Variants in SLC9A9 observed in about 807,000 individuals in gnomAD.
SLC9A9 encodes solute carrier family 9 member A9.
SLC9A9 carries 62 observed loss-of-function variants against 77.8 expected under a neutral mutation model. The observed-to-expected ratio is 0.80, with a 90% CI of 0.65 to 0.98. SLC9A9 has a LOEUF of 0.98. Among genes scored for constraint, SLC9A9 ranks in the 50% least tolerant of loss-of-function variants. The pLI is 0.00. For synonymous variants in SLC9A9, 320 were observed against 283.5 expected (o/e 1.13, Z -1.29); for missense variants, 775 against 774.9 (o/e 1.00, Z 0.00).
intron 12 of SLC9A9, among the ~76,000 whole-genome samples, chr3:143,408,475 T>C (rs1394442110): frequency 6.6e-6 from 1 of 152,228 alleles, no homozygotes; most frequent in East Asian, 1.9e-4. Flanking sequence ...AATATTTATA[T>C]GTAAGATGTC....
intron 6 of SLC9A9, among the ~76,000 whole-genome samples, chr3:143,641,602 C>G (rs575901653): frequency 6.6e-6 from 1 of 151,952 alleles, no homozygotes; most frequent in Non-Finnish European, 1.5e-5. Flanking sequence ...ACCATGTTAG[C>G]CAGGATGGTC....
rs1392933732 is a variant in SLC9A9 at position 143,450,052 on chromosome 3, C to T, written c.1469+16985G>A. On this transcript the variant is annotated intron_variant, in intron 12 of 15. Coordinates refer to ENST00000316549, the MANE Select transcript of SLC9A9 (RefSeq NM_173653.4). ...ATATATACATATATGTATATATACA[C>T]ACATATATAATATGTATATATAATA... Among the ~76,000 whole-genome samples, 239 of 67,696 alleles carry T rather than the reference C, an allele frequency of 3.5e-3. 3 individuals carry two copies. The highest frequency in any genetic ancestry group is 0.019 in the African/African-American group (228 of 12,136). 44.4% of individuals were successfully genotyped at this position (67,696 alleles called of 152,430 possible). A position where few individuals can be genotyped will look rare whatever the true frequency, so the allele number is the denominator to read the frequency against.
chr3:143,268,469 C>T (rs1323072394), intron 15 of SLC9A9, among the ~76,000 whole-genome samples: 1 of 152,126 alleles, frequency 6.6e-6, no homozygotes, highest in East Asian at 1.9e-4. Flanking sequence ...CACGGTGGCT[C>T]ATGCCTGTAA....
intron 4 of SLC9A9, among the ~76,000 whole-genome samples, chr3:143,742,924 T>C (rs186336228): frequency 6.6e-5 from 10 of 152,238 alleles, no homozygotes; most frequent in African/African-American, 2.2e-4. Context: ...AAATATATTA[T>C]TTAAAAATTA....
chr3:143,684,141 T>C (rs895833853), intron 5 of SLC9A9, among the ~76,000 whole-genome samples: 10 of 152,198 alleles, frequency 6.6e-5, no homozygotes, highest in African/African-American at 2.4e-4. Context: ...CCACGAACAG[T>C]GTTCTTAATA....
chr3:143,728,670 C>G (rs951338114), intron 4 of SLC9A9, among the ~76,000 whole-genome samples: 2 of 151,936 alleles, frequency 1.3e-5, no homozygotes, highest in African/African-American at 4.8e-5. Flanking sequence ...AGACCATTGC[C>G]GTATTCCAAG....
intron 8 of SLC9A9, 133 bp from the exon 9 acceptor site, chr3:143,552,583 C>T (rs2036912137): frequency 1.4e-6 from 1 of 709,640 alleles, no homozygotes; most frequent in Non-Finnish European, 2.5e-6. Flanking sequence ...CATGATAATG[C>T]AACCTAGGTA....
rs1446583270 is a variant in SLC9A9 at position 143,266,059 on chromosome 3, A to G, written c.*643T>C. The G allele has an allele frequency of 1.0e-5, 7 of 702,350 alleles. No homozygotes were observed. The Admixed American group carries it at 1.4e-4, about 14-fold the overall frequency. 43.5% of individuals were successfully genotyped at this position (702,350 alleles called of 1,614,324 possible). On this transcript the variant is annotated 3_prime_UTR_variant, in exon 16 of 16. Coordinates refer to ENST00000316549, the MANE Select transcript of SLC9A9 (RefSeq NM_173653.4). ...TTTAGGGCAGGGCACACCCAGCCAT[A>G]GGCAACCCCTTTGAGCGATGGGAGA... is the stretch of plus-strand genomic sequence containing the variant.
chr3:143,500,112 A>AT (rs923659466), intron 9 of SLC9A9, among the ~76,000 whole-genome samples: 110 of 149,414 alleles, frequency 7.4e-4, no homozygotes, highest in African/African-American at 1.8e-3. Context: ...CTAGGCTTGG[A>AT]TTTTTTTTTT....
intron 12 of SLC9A9, among the ~76,000 whole-genome samples, chr3:143,402,598 C>T (rs2033888179): frequency 6.6e-6 from 1 of 151,820 alleles, no homozygotes; most frequent in South Asian, 2.1e-4. Context: ...TTAACCCTTT[C>T]ATTATTATAA....
intron 12 of SLC9A9, among the ~76,000 whole-genome samples, chr3:143,400,545 C>T (rs901541088): frequency 1.3e-5 from 2 of 151,890 alleles, no homozygotes; most frequent in African/African-American, 4.8e-5. Flanking sequence ...CAAAGGCTGG[C>T]AGGTGGGTGA....
At chr3:143,593,380 G>A (rs898818747) in intron 6 of SLC9A9, among the ~76,000 whole-genome samples, 13 of 152,218 alleles carry the variant, frequency 8.5e-5, no homozygotes, top group Non-Finnish European at 1.5e-5. Flanking sequence ...AGTGGGTACT[G>A]TTGTACTATA....
chr3:143,392,156 C>G (rs1335120887), intron 12 of SLC9A9, among the ~76,000 whole-genome samples: 1 of 152,130 alleles, frequency 6.6e-6, no homozygotes, highest in East Asian at 1.9e-4. Flanking sequence ...TTGTCATATT[C>G]ACCAAAGTTG....
intron 6 of SLC9A9, among the ~76,000 whole-genome samples, chr3:143,648,153 T>A (rs1440205002): frequency 6.6e-6 from 1 of 152,226 alleles, no homozygotes; most frequent in African/African-American, 2.4e-5. Flanking sequence ...AGAATAGTTT[T>A]GTAATGTATA....
chr3:143,679,411 C>A (rs1379960108), intron 5 of SLC9A9, among the ~76,000 whole-genome samples: 1 of 152,154 alleles, frequency 6.6e-6, no homozygotes, highest in Non-Finnish European at 1.5e-5. Context: ...GGGCCTAAAC[C>A]CCAACCTGAG....
chr3:143,550,694 G>A (rs771572843), intron 9 of SLC9A9, among the ~76,000 whole-genome samples: 9 of 152,078 alleles, frequency 5.9e-5, no homozygotes, highest in Non-Finnish European at 1.0e-4. Flanking sequence ...GTCCAACCCC[G>A]ATAAAAATGG....
chr3:143,629,486 T>C (rs1253547690), intron 6 of SLC9A9, among the ~76,000 whole-genome samples: 3 of 152,162 alleles, frequency 2.0e-5, no homozygotes, highest in Non-Finnish European at 2.9e-5. Flanking sequence ...TTATTCATTA[T>C]TGATCTGAAA....
chr3:143,476,678 G>T (rs1576523302), intron 11 of SLC9A9, among the ~76,000 whole-genome samples: 1 of 152,222 alleles, frequency 6.6e-6, no homozygotes, highest in Non-Finnish European at 1.5e-5. Context: ...CTTATGGGCA[G>T]CTTGTGTTCC....
chr3:143,266,980 A>T (rs1419364710), intron 15 of SLC9A9, 51 bp from the exon 16 acceptor site: 7 of 1,574,850 alleles, frequency 4.4e-6, no homozygotes, highest in Non-Finnish European at 6.1e-6. Flanking sequence ...GGCAGAAAAC[A>T]ATAGCAGTCC....
Sources: gnomAD v4.1 joint callset for allele counts (sites outside exome capture counted in the v4.1 genomes callset) on GRCh38, gnomAD v4.1.1 for gene constraint, MANE v1.5 for transcripts, NCBI Gene and HGNC (gene_info 2026-07-23, HGNC 2026-07-21) for gene names.